CAMTA1: variants seen among roughly 807,000 people sequenced by gnomAD.
CAMTA1 encodes the protein calmodulin-binding transcription activator 1.
A neutral mutation model predicts 170.9 loss-of-function variants in CAMTA1; 27 were observed. The observed-to-expected ratio is 0.16, with a 90% CI of 0.12 to 0.22. The LOEUF is 0.22. Among genes scored for constraint, CAMTA1 ranks in the 10% least tolerant of loss-of-function variants. The pLI is 1.00. For missense variants in CAMTA1, 1,619 were observed against 2,217.2 expected, an observed-to-expected ratio of 0.73 and a Z score of 5.42; for synonymous variants, 833 against 891.5, an observed-to-expected ratio of 0.93 and a Z score of 1.17.
intron 6 of CAMTA1, among the ~76,000 whole-genome samples, chr1:7,595,825 G>A (rs191976049): frequency 9.7e-4 from 147 of 152,290 alleles, no homozygotes; most frequent in African/African-American, 3.3e-3. Flanking sequence ...TGGCCCTGGC[G>A]GAACCCCCCA....
intron 4 of CAMTA1, among the ~76,000 whole-genome samples, chr1:7,247,512 GA>G (rs1397010089): frequency 6.6e-6 from 1 of 152,198 alleles, no homozygotes; most frequent in Non-Finnish European, 1.5e-5. Context: ...CTTCTCCTTG[GA>G]TGGAGTATCT....
chr1:6,826,934 A>G (rs558497178), intron 3 of CAMTA1, among the ~76,000 whole-genome samples: 1 of 152,360 alleles, frequency 6.6e-6, no homozygotes, highest in East Asian at 1.9e-4. Context: ...TCACATGTTT[A>G]ATAAAACCTC....
At chr1:7,711,093 A>C (rs2096567592) in intron 11 of CAMTA1, among the ~76,000 whole-genome samples, 1 of 152,192 alleles carries the variant, frequency 6.6e-6, no homozygotes, top group Admixed American at 6.5e-5. Flanking sequence ...TTTATTTCTC[A>C]GTTCTGGAGG....
chr1:6,996,133 C>T (rs985287876), intron 3 of CAMTA1, among the ~76,000 whole-genome samples: 8 of 152,230 alleles, frequency 5.3e-5, no homozygotes, highest in African/African-American at 1.7e-4. Context: ...AGCCCCAAGA[C>T]GTCAAAACAT....
At chr1:7,734,013 TC>T (rs2096752767) in intron 12 of CAMTA1, among the ~76,000 whole-genome samples, 1 of 152,176 alleles carries the variant, frequency 6.6e-6, no homozygotes, top group South Asian at 2.1e-4. Context: ...AGTGACACAA[TC>T]TTGGCTCACT....
intron 7 of CAMTA1, among the ~76,000 whole-genome samples, chr1:7,657,648 C>T (rs962983394): frequency 1.3e-5 from 2 of 152,304 alleles, no homozygotes; most frequent in African/African-American, 4.8e-5. Context: ...AATCTCCCTT[C>T]CCACTGATTC....
At chr1:6,933,011 C>A (rs1218967836) in intron 3 of CAMTA1, among the ~76,000 whole-genome samples, 1 of 147,272 alleles carries the variant, frequency 6.8e-6, no homozygotes, top group Non-Finnish European at 1.5e-5. Flanking sequence ...TTTTTTAAAT[C>A]TTTTTTTTTT....
intron 6 of CAMTA1, among the ~76,000 whole-genome samples, chr1:7,505,537 G>GGA (rs1257232049): frequency 7.2e-5 from 11 of 152,274 alleles, no homozygotes; most frequent in Non-Finnish European, 1.3e-4. Flanking sequence ...GCCGGGAGGG[G>GGA]ACCTGGACTT....
intron 3 of CAMTA1, among the ~76,000 whole-genome samples, chr1:6,907,187 A>G (rs1019857445): frequency 5.3e-5 from 8 of 152,226 alleles, no homozygotes; most frequent in Admixed American, 1.3e-4. Context: ...TTGGTAAAAC[A>G]GTAAGAGTTA....
chr1:7,196,105 T>C (rs1179950161), intron 4 of CAMTA1, among the ~76,000 whole-genome samples: 2 of 152,126 alleles, frequency 1.3e-5, no homozygotes, highest in Admixed American at 6.5e-5. Flanking sequence ...CAGGAGGTGA[T>C]TGAATCACGG....
rs1046167401 is a variant in CAMTA1 at position 7,443,239 on chromosome 1, C to T, written c.439-24591C>T. 6.6e-6 allele frequency among the ~76,000 whole-genome samples: 1 copy of T among 152,232 alleles called. No homozygotes were observed. Among genetic ancestry groups the T allele is most frequent in the African/African-American group, 2.4e-5 (1 of 41,458 alleles). ...CGTGTATGATGATCTGCATGAAGTCCATTTCCCCACTTTCGTGGGGTACAG... is the reference window on the plus strand; with the variant it reads ...CGTGTATGATGATCTGCATGAAGTCTATTTCCCCACTTTCGTGGGGTACAG... On this transcript the variant is annotated intron_variant, in intron 5 of 22. Coordinates refer to ENST00000303635, the MANE Select transcript of CAMTA1 (RefSeq NM_015215.4). This position sits in a 1 kb window ranked among gnomAD's most constrained non-coding sequence, Gnocchi z 4.1.
At chr1:7,696,000 G>T (rs2096371698) in intron 11 of CAMTA1, among the ~76,000 whole-genome samples, 1 of 152,096 alleles carries the variant, frequency 6.6e-6, no homozygotes, top group African/African-American at 2.4e-5. Context: ...TTAGGGAGTA[G>T]CTAGTTGCTT....
At chr1:7,276,303 A>ATATAATTTTTTTTTTTTTTTTTTT in intron 5 of CAMTA1, among the ~76,000 whole-genome samples, 1 of 24,228 alleles carries the variant, frequency 4.1e-5, no homozygotes, top group African/African-American at 3.0e-4. Context: ...ATATATATAT[A>ATATAATTTTTTTTTTTTTTTTTTT]TTTTTTTTTT....
chr1:7,431,719 C>T (rs372421584), intron 5 of CAMTA1, among the ~76,000 whole-genome samples: 243 of 152,306 alleles, frequency 1.6e-3, no homozygotes, highest in African/African-American at 5.4e-3. Context: ...AATTCCTGCC[C>T]CTGCTCCCTT....
In CAMTA1 at chr1:7,664,983, C is replaced by T; in HGVS notation, c.2436C>T (p.Ala812=). The T allele has an allele frequency of 6.2e-7, 1 of 1,609,424 alleles. No homozygotes were observed. The highest frequency in any genetic ancestry group is 8.5e-7 in the Non-Finnish European group (1 of 1,177,960). ...ALSQSEDGAR[A]PFTQAEMCLP... ...CACAGTCAGAGGACGGGGCGCGGGC[C>T]CCCTTCACCCAGGCAGAGATGTGCC... The change falls in exon 9 of 23, where the codon GCC becomes GCT. Residue 812 remains alanine, a synonymous_variant. Coordinates refer to ENST00000303635, the MANE Select transcript of CAMTA1 (RefSeq NM_015215.4).
At chr1:6,824,963 A>G in intron 2 of CAMTA1, 129 bp from the exon 3 acceptor site, 1 of 544,786 alleles carries the variant, frequency 1.8e-6, no homozygotes, top group Non-Finnish European at 3.3e-6. Context: ...ACTAAGAGGA[A>G]TAGTGGGGCC....
Position 7,426,235 on chromosome 1 carries a change from A to C in CAMTA1, c.439-41595A>C, listed in dbSNP as rs964279234. On this transcript the variant is annotated intron_variant, in intron 5 of 22. Transcript: ENST00000303635. This position sits in a 1 kb window ranked among gnomAD's most constrained non-coding sequence, Gnocchi z 4.8. ...GCTCTTTAACTATATCCAGGTGCCC[A>C]GGGCCAGAGAGAGCTGCACGGTCCG... 6.7e-6 allele frequency among the ~76,000 whole-genome samples: 1 copy of C among 150,268 alleles called. No individual in the cohort carries two copies. Among genetic ancestry groups the C allele is most frequent in the Non-Finnish European group, 1.5e-5 (1 of 68,012 alleles).
At chr1:7,387,050 C>T (rs957609488) in intron 5 of CAMTA1, among the ~76,000 whole-genome samples, 2 of 152,138 alleles carry the variant, frequency 1.3e-5, no homozygotes, top group African/African-American at 4.8e-5. Flanking sequence ...TGGAACCCTG[C>T]CCTTGGCTTC....
chr1:7,650,528 AC>A (rs1229050691), intron 7 of CAMTA1, among the ~76,000 whole-genome samples: 6 of 151,996 alleles, frequency 3.9e-5, no homozygotes, highest in South Asian at 2.1e-4. Context: ...TGGACCCTCC[AC>A]CCCCGCCTTT....
Sources: allele counts gnomAD v4.1 joint callset (sites outside exome capture counted in the v4.1 genomes callset), GRCh38; gene constraint gnomAD v4.1.1; non-coding constraint Gnocchi (gnomAD v3.1); transcripts MANE v1.5; gene names NCBI Gene and HGNC (gene_info 2026-07-23, HGNC 2026-07-21).